Variants in ANKRD42 observed in about 807,000 individuals in gnomAD.
ANKRD42 encodes the protein ankyrin repeat domain-containing protein 42.
A neutral mutation model predicts 51.5 loss-of-function variants in ANKRD42; 43 were observed. The ratio of observed to expected loss-of-function variants is 0.83; its 90% confidence interval spans 0.65 to 1.08. The LOEUF is 1.08. Among genes scored for constraint, ANKRD42 ranks in the 50% least tolerant of loss-of-function variants. The pLI, the probability that ANKRD42 is intolerant of heterozygous loss-of-function variation, is 0.00. For missense variants in ANKRD42, 608 were observed against 629.3 expected, an observed-to-expected ratio of 0.97 and a Z score of 0.36; for synonymous variants, 203 against 213.0, an observed-to-expected ratio of 0.95 and a Z score of 0.41.
At chr11:83,231,378 C>A (rs189477805) in intron 7 of ANKRD42, among the ~76,000 whole-genome samples, 2 of 152,228 alleles carry the variant, frequency 1.3e-5, no homozygotes, top group South Asian at 4.1e-4. Context: ...AATGTCTGTT[C>A]AGATCTTTTG....
At chr11:83,256,504 A>G (rs1165138300), downstream of ANKRD42, among the ~76,000 whole-genome samples, 1 of 152,142 alleles carries the variant, frequency 6.6e-6, no homozygotes, top group African/African-American at 2.4e-5. Context: ...AAAAACAACT[A>G]TGGCTTTTCA....
chr11:83,196,677 CT>C (rs1861670033), intron 1 of ANKRD42, among the ~76,000 whole-genome samples: 1 of 152,154 alleles, frequency 6.6e-6, no homozygotes, highest in African/African-American at 2.4e-5. Flanking sequence ...TGTATCTTCT[CT>C]ACTAATCTGT....
intron 10 of ANKRD42, among the ~76,000 whole-genome samples, chr11:83,246,091 T>C (rs1303572296): frequency 1.3e-5 from 2 of 152,194 alleles, no homozygotes; most frequent in African/African-American, 4.8e-5. Context: ...AAATTGGCTC[T>C]CTGGACAATG....
chr11:83,222,338 G>A (rs2135523526), intron 5 of ANKRD42, among the ~76,000 whole-genome samples: 1 of 152,232 alleles, frequency 6.6e-6, no homozygotes, highest in East Asian at 1.9e-4. Context: ...AGTTATTTGG[G>A]GTGCTGGAGA....
At chr11:83,264,092 A>T (rs1864097973), downstream of ANKRD42, among the ~76,000 whole-genome samples, 1 of 152,202 alleles carries the variant, frequency 6.6e-6, no homozygotes, top group South Asian at 2.1e-4. Flanking sequence ...GGCCACCAAG[A>T]TATGTGTGTG....
intron 5 of ANKRD42, among the ~76,000 whole-genome samples, chr11:83,221,476 A>G (rs939972330): frequency 6.6e-6 from 1 of 152,076 alleles, no homozygotes; most frequent in Admixed American, 6.6e-5. Flanking sequence ...GCATTGAGGG[A>G]TTAGTTTTTC....
intron 6 of ANKRD42, among the ~76,000 whole-genome samples, chr11:83,226,928 G>A (rs931468332): frequency 3.3e-5 from 5 of 152,112 alleles, no homozygotes; most frequent in Non-Finnish European, 2.9e-5. Context: ...AGGTTTATAT[G>A]TAAATATTAT....
At chr11:83,213,358 G>C in intron 5 of ANKRD42, 1 of 1,579,202 alleles carries the variant, frequency 6.3e-7, no homozygotes, top group Non-Finnish European at 8.6e-7. Flanking sequence ...GTCCATCGGA[G>C]TCACACCAAC....
At chr11:83,237,796 G>A (rs527332) in intron 8 of ANKRD42, among the ~76,000 whole-genome samples, 40,006 of 151,902 alleles carry the variant, frequency 0.26, 5,436 homozygotes, top group Middle Eastern at 0.4. Flanking sequence ...TGATGTATGC[G>A]TATCCTGTGA....
At chr11:83,242,883 G>T (rs1042421484) in intron 9 of ANKRD42, among the ~76,000 whole-genome samples, 3 of 151,934 alleles carry the variant, frequency 2.0e-5, no homozygotes, top group Non-Finnish European at 4.4e-5. Context: ...TTCTTTATCC[G>T]GTCTTCTGTT....
intron 2 of ANKRD42, among the ~76,000 whole-genome samples, chr11:83,199,628 C>G (rs1354129519): frequency 2.0e-5 from 3 of 152,158 alleles, no homozygotes; most frequent in South Asian, 4.1e-4. Flanking sequence ...CCAAGGCTAA[C>G]TAGCACTTTT....
In ANKRD42 at chr11:83,227,275, G is replaced by T. The variant is rs567301232; in HGVS notation, c.788-472G>T. ...TTACAGGCGTGAGCCACCACACCTGGCTAAGTTTTGTATTTTTAGTAGAGA... is the reference window on the plus strand; with the variant it reads ...TTACAGGCGTGAGCCACCACACCTGTCTAAGTTTTGTATTTTTAGTAGAGA... On this transcript the variant is annotated intron_variant, in intron 6 of 10. Transcript: ENST00000533342. Among the ~76,000 whole-genome samples the T allele has an allele frequency of 2.5e-4, 38 of 152,146 alleles. No individual in the cohort carries two copies. In the East Asian group the frequency reaches 6.4e-3, roughly 26 times the overall value.
intron 7 of ANKRD42, among the ~76,000 whole-genome samples, chr11:83,230,051 A>G (rs1230585816): frequency 2.0e-5 from 3 of 152,170 alleles, no homozygotes. Flanking sequence ...ATTATTGACT[A>G]TAGTCACCCT....
intron 8 of ANKRD42, among the ~76,000 whole-genome samples, chr11:83,237,881 C>T (rs1045407967): frequency 1.1e-4 from 16 of 152,322 alleles, no homozygotes; most frequent in African/African-American, 3.8e-4. Context: ...ACCTCTCTCC[C>T]TTTGACTGCT....
downstream of ANKRD42, among the ~76,000 whole-genome samples, chr11:83,263,368 A>G (rs1254998482): frequency 6.6e-6 from 1 of 152,008 alleles, no homozygotes; most frequent in African/African-American, 2.4e-5. Flanking sequence ...TTTATTTCTC[A>G]TGGCTGTTGT....
intron 1 of ANKRD42, among the ~76,000 whole-genome samples, chr11:83,196,398 AGT>A (rs145815586): frequency 0.039 from 4,837 of 124,438 alleles, 84 homozygotes; most frequent in African/African-American, 0.091. Context: ...AGTGTGTGAG[AGT>A]GTGTGTGTGT....
intron 5 of ANKRD42, among the ~76,000 whole-genome samples, chr11:83,219,410 C>A (rs974693074): frequency 1.3e-5 from 2 of 152,182 alleles, no homozygotes; most frequent in Non-Finnish European, 2.9e-5. Context: ...ATGCTAAGGA[C>A]CAATTTATGT....
At chr11:83,198,260 T>C (rs991609303) in intron 1 of ANKRD42, among the ~76,000 whole-genome samples, 61 of 152,348 alleles carry the variant, frequency 4.0e-4, no homozygotes, top group African/African-American at 1.5e-3. Flanking sequence ...TTTCTGTTCA[T>C]TCATTTTTCC....
chr11:83,255,745 G>C, intron 11 of ANKRD42: 1 of 817,006 alleles, frequency 1.2e-6, no homozygotes, highest in East Asian at 2.7e-5. Flanking sequence ...GAAAATACTA[G>C]CATGGTTAAT....
Sources: gnomAD v4.1 joint callset for allele counts (sites outside exome capture counted in the v4.1 genomes callset) on GRCh38, gnomAD v4.1.1 for gene constraint, MANE v1.5 for transcripts, NCBI Gene and HGNC (gene_info 2026-07-23, HGNC 2026-07-21) for gene names.